RAB28: variants seen among roughly 807,000 people sequenced by gnomAD.
The protein encoded by RAB28 is RAB28, member RAS oncogene family.
A neutral mutation model predicts 31.7 loss-of-function variants in RAB28; 24 were observed. The observed-to-expected ratio is 0.76, with a 90% CI of 0.55 to 1.06. The LOEUF (loss-of-function observed/expected upper bound fraction) is 1.06. RAB28 is among the 50% of genes least tolerant of loss of function. RAB28 has a pLI of 0.00. For missense variants in RAB28, 254 were observed against 258.5 expected, an observed-to-expected ratio of 0.98 and a Z score of 0.12; for synonymous variants, 100 against 90.4, an observed-to-expected ratio of 1.11 and a Z score of -0.60.
chr4:13,464,435 G>T (rs1217383593), intron 3 of RAB28, among the ~76,000 whole-genome samples: 1 of 152,056 alleles, frequency 6.6e-6, no homozygotes, highest in Non-Finnish European at 1.5e-5. Flanking sequence ...TCATCTAACT[G>T]GGAGGAGCAA....
At chr4:13,370,920 G>A in intron 6 of RAB28, 6 of 968,130 alleles carry the variant, frequency 6.2e-6, no homozygotes, top group Non-Finnish European at 7.4e-6. Context: ...GACCATATGT[G>A]ACAAATATGT....
intron 4 of RAB28, among the ~76,000 whole-genome samples, 161 bp from the exon 5 acceptor site, chr4:13,381,755 A>G (rs1310861241): frequency 6.6e-6 from 1 of 152,168 alleles, no homozygotes; most frequent in Non-Finnish European, 1.5e-5. Flanking sequence ...CTCAGTTTCC[A>G]CATCTATAAA....
At chr4:13,477,562 A>T (rs1716418847) in intron 2 of RAB28, among the ~76,000 whole-genome samples, 1 of 151,488 alleles carries the variant, frequency 6.6e-6, no homozygotes, top group Non-Finnish European at 1.5e-5. Flanking sequence ...TAATTATATA[A>T]AAACAAAATA....
intron 3 of RAB28, chr4:13,474,029 A>G: frequency 2.0e-6 from 1 of 491,048 alleles, no homozygotes; most frequent in Non-Finnish European, 3.9e-6. Context: ...AATACATATC[A>G]AAATATCATT....
At chr4:13,372,875 C>A (rs1728768681) in intron 6 of RAB28, among the ~76,000 whole-genome samples, 3 of 151,964 alleles carry the variant, frequency 2.0e-5, no homozygotes, top group Admixed American at 2.0e-4. Context: ...ACATGCCAAG[C>A]CTTACATGAG....
At chr4:13,385,073 T>C (rs979064917) in intron 4 of RAB28, among the ~76,000 whole-genome samples, 5 of 152,090 alleles carry the variant, frequency 3.3e-5, no homozygotes, top group Admixed American at 1.3e-4. Flanking sequence ...CAACTATTAA[T>C]AGCAGAATAG....
At chr4:13,384,797 A>G (rs1199540282) in intron 4 of RAB28, among the ~76,000 whole-genome samples, 1 of 152,210 alleles carries the variant, frequency 6.6e-6, no homozygotes, top group African/African-American at 2.4e-5. Flanking sequence ...CAACTCAAAA[A>G]GCCAGAGTAC....
At chr4:13,462,291 T>A (rs565443390) in intron 3 of RAB28, among the ~76,000 whole-genome samples, 1 of 152,186 alleles carries the variant, frequency 6.6e-6, no homozygotes, top group Non-Finnish European at 1.5e-5. Flanking sequence ...ATCAATGTGA[T>A]ACCACTGAAC....
chr4:13,419,411 C>G lies in RAB28; in HGVS notation c.392-37817G>C, dbSNP rs112194206. 7.4e-3 allele frequency among the ~76,000 whole-genome samples: 1,120 copies of G among 152,300 alleles called. 20 individuals are homozygous for G. Among genetic ancestry groups the G allele is most frequent in the African/African-American group, 0.025 (1,035 of 41,550 alleles). Reference sequence around the variant, plus strand: ...TGCACCAGGCAGACCTAATAGATATCTACAGAACTCTCCACCCCAAATCAA... The same window carrying G: ...TGCACCAGGCAGACCTAATAGATATGTACAGAACTCTCCACCCCAAATCAA... On this transcript the variant is annotated intron_variant, in intron 4 of 6. Transcript: ENST00000330852.
At chr4:13,451,244 C>A (rs897410162) in intron 4 of RAB28, among the ~76,000 whole-genome samples, 1 of 151,626 alleles carries the variant, frequency 6.6e-6, no homozygotes, top group African/African-American at 2.4e-5. Flanking sequence ...TGAGATGATA[C>A]CTCATTGTGG....
intron 3 of RAB28, among the ~76,000 whole-genome samples, chr4:13,463,613 A>T (rs1366228867): frequency 6.6e-6 from 1 of 152,080 alleles, no homozygotes; most frequent in Admixed American, 6.6e-5. Flanking sequence ...AATGTGTCCC[A>T]ACATTTTTCA....
At chr4:13,444,491 T>C (rs1018744694) in intron 4 of RAB28, among the ~76,000 whole-genome samples, 1 of 152,076 alleles carries the variant, frequency 6.6e-6, no homozygotes, top group Non-Finnish European at 1.5e-5. Context: ...AACTTGGGAG[T>C]AAAGATTCTC....
intron 4 of RAB28, among the ~76,000 whole-genome samples, chr4:13,406,049 C>T (rs1171800373): frequency 3.9e-5 from 6 of 152,134 alleles, no homozygotes; most frequent in Admixed American, 3.9e-4. Context: ...ATGTGCAGAA[C>T]ATGCAGGTTT....
At chr4:13,428,688 G>A (rs1452950029) in intron 4 of RAB28, among the ~76,000 whole-genome samples, 2 of 152,130 alleles carry the variant, frequency 1.3e-5, no homozygotes, top group Non-Finnish European at 2.9e-5. Flanking sequence ...AGAGCACCAA[G>A]TATTCCTCTC....
intron 4 of RAB28, among the ~76,000 whole-genome samples, chr4:13,433,507 T>C (rs1160228976): frequency 6.6e-6 from 1 of 151,992 alleles, no homozygotes; most frequent in Middle Eastern, 3.2e-3. Flanking sequence ...GCAAAGCACA[T>C]GAACAGACAC....
intron 6 of RAB28, chr4:13,371,016 C>G: frequency 1.0e-6 from 1 of 984,302 alleles, no homozygotes; most frequent in South Asian, 4.7e-5. Context: ...TATTTCAGGA[C>G]ACATACCCTT....
chr4:13,371,302 G>A (rs140858268), intron 6 of RAB28: 1 of 985,104 alleles, frequency 1.0e-6, no homozygotes, highest in Non-Finnish European at 1.2e-6. Flanking sequence ...GAATCGGGGG[G>A]TACATCAGTG....
intron 4 of RAB28, among the ~76,000 whole-genome samples, chr4:13,403,312 G>C (rs150901516): frequency 1.1e-3 from 172 of 152,222 alleles, no homozygotes; most frequent in African/African-American, 4.0e-3. Flanking sequence ...TTCTTAGATA[G>C]CAGGTCATAG....
chr4:13,469,861 T>A (rs1374244215), intron 3 of RAB28, among the ~76,000 whole-genome samples: 3 of 151,956 alleles, frequency 2.0e-5, no homozygotes, highest in Non-Finnish European at 4.4e-5. Context: ...GCTAATTTTT[T>A]AAATTTTTTT....
Sources: allele counts gnomAD v4.1 joint callset (sites outside exome capture counted in the v4.1 genomes callset), GRCh38; gene constraint gnomAD v4.1.1; transcripts MANE v1.5; gene names NCBI Gene and HGNC (gene_info 2026-07-23, HGNC 2026-07-21).